Variants in ENPEP observed in about 807,000 individuals in gnomAD.
The protein encoded by ENPEP is AP-A.
A neutral mutation model predicts 114.5 loss-of-function variants in ENPEP; 103 were observed. The observed-to-expected ratio is 0.90, with a 90% CI of 0.77 to 1.06. The LOEUF (loss-of-function observed/expected upper bound fraction) is 1.06, where lower values mean the gene tolerates loss of function less well. Among genes scored for constraint, ENPEP ranks in the 50% least tolerant of loss-of-function variants. The pLI, the probability that ENPEP is intolerant of heterozygous loss-of-function variation, is 0.00. For synonymous variants in ENPEP, 420 were observed against 422.0 expected (o/e 1.00, Z 0.06); for missense variants, 1,196 against 1,161.3 (o/e 1.03, Z -0.43).
intron 11 of ENPEP, among the ~76,000 whole-genome samples, chr4:110,536,237 A>G (rs2110380243): frequency 6.6e-6 from 1 of 152,158 alleles, no homozygotes; most frequent in Middle Eastern, 3.4e-3. Flanking sequence ...ATTGCACTTT[A>G]GAAACAATCA....
Position 110,513,499 on chromosome 4 carries a change from A to G in ENPEP, c.1393A>G (p.Thr465Ala). 6.2e-7 allele frequency: 1 copy of G among 1,613,548 alleles called. No individual in the cohort carries two copies. Among genetic ancestry groups the G allele is most frequent in the South Asian group, 1.1e-5 (1 of 91,056 alleles). ...MSSHPIIVTVTTPDEITSVFD... is the reference protein window; with the variant it reads ...MSSHPIIVTVATPDEITSVFD... ...TTCGCATCCAATTATTGTGACTGTG[A>G]CAACCCCTGATGAAATAACATCTGT... The change falls in exon 7 of 20, where the codon ACA (threonine) becomes GCA (alanine). Residue 465 changes from threonine to alanine, a missense_variant. Transcript: ENST00000265162.
rs1054276239 is a variant in ENPEP at position 110,565,122 on chromosome 4, G to C, written c.*3564G>C. On this transcript the variant is annotated 3_prime_UTR_variant, in exon 20 of 20. Transcript: ENST00000265162. ...CCTCCTTCCTCTACTTCAGGGTTTA[G>C]CGACCTTTTGCCTGCCTGTTTTTGT... The C allele has an allele frequency of 6.6e-6, 1 of 152,118 alleles. No individual in the cohort carries two copies. Among genetic ancestry groups the C allele is most frequent in the African/African-American group, 2.4e-5 (1 of 41,410 alleles). 9.4% of individuals were successfully genotyped at this position (152,118 alleles called of 1,614,324 possible).
chr4:110,479,014 C>T (rs1441077398), intron 1 of ENPEP, among the ~76,000 whole-genome samples: 1 of 152,060 alleles, frequency 6.6e-6, no homozygotes, highest in Non-Finnish European at 1.5e-5. Context: ...ATAAATAATA[C>T]ACGTTTATTG....
intron 8 of ENPEP, 43 bp from the exon 9 acceptor site, chr4:110,519,965 G>A (rs763627359): frequency 1.9e-6 from 3 of 1,571,128 alleles, no homozygotes; most frequent in Admixed American, 3.4e-5. Flanking sequence ...TATGAGAAAA[G>A]CAAACATTGA....
Position 110,561,454 on chromosome 4 carries a change from C to T in ENPEP, c.2770C>T (p.Pro924Ser). The change falls in exon 20 of 20, where the codon CCT becomes TCT. Residue 924 changes from proline (P) to serine (S), a missense_variant. Pro to Ser is a moderately conservative substitution (Grantham distance 74). Transcript: ENST00000265162. ...KYPQAGAGEKPREQVLETVKN... is the reference protein window; with the variant it reads ...KYPQAGAGEKSREQVLETVKN... ...TCCACAAGCTGGAGCAGGAGAAAAA[C>T]CTAGGGAACAAGTGCTGGAAACAGT... 4 of 1,613,916 alleles carry T rather than the reference C, an allele frequency of 2.5e-6. No homozygotes were observed. The highest frequency in any genetic ancestry group is 3.4e-6 in the Non-Finnish European group (4 of 1,179,938).
At chr4:110,560,445 CTTTA>C (rs374876985) in intron 19 of ENPEP, among the ~76,000 whole-genome samples, 1 of 152,164 alleles carries the variant, frequency 6.6e-6, no homozygotes, top group African/African-American at 2.4e-5. Flanking sequence ...TAAAACATGT[CTTTA>C]TTTATCTTGA....
rs149659130 is a variant in ENPEP at position 110,553,855 on chromosome 4, A to G, written c.2642+400A>G. On this transcript the variant is annotated intron_variant, in intron 18 of 19. Coordinates refer to ENST00000265162, the MANE Select transcript of ENPEP (RefSeq NM_001977.4). ...TGGGTTCAAATTAGAGTTCTATATC[A>G]TACTGAGCTTATGTGGGTGATAACT... 9.3e-3 allele frequency among the ~76,000 whole-genome samples: 1,422 copies of G among 152,158 alleles called. 27 individuals carry two copies. Among genetic ancestry groups the G allele is most frequent in the African/African-American group, 0.032 (1,343 of 41,550 alleles).
At chr4:110,482,737 G>A (rs1407838995) in intron 1 of ENPEP, among the ~76,000 whole-genome samples, 4 of 152,198 alleles carry the variant, frequency 2.6e-5, no homozygotes, top group Admixed American at 6.5e-5. Flanking sequence ...GGTTGGGCGA[G>A]GTGGCTCATG....
chr4:110,482,324 C>T (rs763064598), intron 1 of ENPEP, among the ~76,000 whole-genome samples: 2 of 152,104 alleles, frequency 1.3e-5, no homozygotes, highest in African/African-American at 2.4e-5. Context: ...AGTTATGGGT[C>T]TAGGATACCC....
At chr4:110,479,945 T>C (rs561532572) in intron 1 of ENPEP, among the ~76,000 whole-genome samples, 6 of 152,256 alleles carry the variant, frequency 3.9e-5, no homozygotes, top group Non-Finnish European at 8.8e-5. Context: ...AAAAGCATTA[T>C]ATACACAAAT....
chr4:110,496,826 C>T (rs929458150), intron 3 of ENPEP, among the ~76,000 whole-genome samples: 1 of 152,194 alleles, frequency 6.6e-6, no homozygotes, highest in African/African-American at 2.4e-5. Flanking sequence ...ACATGACATC[C>T]TCATGACTTA....
intron 3 of ENPEP, among the ~76,000 whole-genome samples, chr4:110,496,808 CA>C (rs1235529424): frequency 1.3e-4 from 20 of 152,298 alleles, no homozygotes; most frequent in Admixed American, 3.9e-4. Context: ...CACATCCTAT[CA>C]GGGGGTACAT....
chr4:110,476,695 C>G lies in ENPEP; in HGVS notation c.281C>G (p.Pro94Arg). 1 of 1,613,814 alleles carries G rather than the reference C, an allele frequency of 6.2e-7. No homozygotes were observed. Among genetic ancestry groups the G allele is most frequent in the South Asian group, 1.1e-5 (1 of 91,060 alleles). The change falls in exon 1 of 20, where the codon CCG becomes CGG. Residue 94 changes from proline to arginine, a missense_variant. By Grantham distance (103) the Pro-to-Arg change is moderately radical (BLOSUM62 -2). Transcript: ENST00000265162. The part of the protein sequence containing the change: ...ESGQWKNFRL[P>R]DFVNPVHYDL... Reference sequence around the variant, plus strand: ...GGACAGTGGAAAAACTTTCGACTGCCGGACTTCGTCAACCCAGTCCACTAC... The same window carrying G: ...GGACAGTGGAAAAACTTTCGACTGCGGGACTTCGTCAACCCAGTCCACTAC...
intron 11 of ENPEP, among the ~76,000 whole-genome samples, chr4:110,535,024 G>A (rs1726559681): frequency 6.6e-6 from 1 of 152,172 alleles, no homozygotes; most frequent in Non-Finnish European, 1.5e-5. Context: ...AGTATCAGCT[G>A]CTATTTTGGC....
At chr4:110,527,378 A>C (rs1726237174) in intron 10 of ENPEP, among the ~76,000 whole-genome samples, 1 of 152,148 alleles carries the variant, frequency 6.6e-6, no homozygotes, top group Non-Finnish European at 1.5e-5. Context: ...GCGAGTTCTG[A>C]AAATCAATAG....
chr4:110,542,936 C>T (rs1726906339), intron 12 of ENPEP, 49 bp downstream of exon 12: 1 of 1,610,066 alleles, frequency 6.2e-7, no homozygotes, highest in Non-Finnish European at 8.5e-7. Context: ...CTAAGAACAG[C>T]ATCTTAATGA....
chr4:110,525,329 C>A (rs111486688), intron 10 of ENPEP, among the ~76,000 whole-genome samples: 5 of 152,328 alleles, frequency 3.3e-5, no homozygotes, highest in African/African-American at 1.2e-4. Flanking sequence ...CTTCCTAGCC[C>A]GGGTTACCCA....
Position 110,561,659 on chromosome 4 carries a change from A to T in ENPEP, c.*101A>T, listed in dbSNP as rs1373291751. The T allele has an allele frequency of 7.1e-6, 8 of 1,123,494 alleles. No individual in the cohort carries two copies. In the East Asian group the frequency reaches 1.2e-4, roughly 17 times the overall value. 69.6% of individuals were successfully genotyped at this position (1,123,494 alleles called of 1,614,324 possible). On this transcript the variant is annotated 3_prime_UTR_variant, in exon 20 of 20. Transcript: ENST00000265162. ...GCACGATGGAGAGAGCCTTATAAACAGATAATGCTTTTACTAAGCACTGTG... is the reference window on the plus strand; with the variant it reads ...GCACGATGGAGAGAGCCTTATAAACTGATAATGCTTTTACTAAGCACTGTG...
intron 1 of ENPEP, among the ~76,000 whole-genome samples, chr4:110,485,627 T>C (rs1429663465): frequency 6.6e-6 from 1 of 152,212 alleles, no homozygotes; most frequent in Admixed American, 6.5e-5. Flanking sequence ...CCCAGTGCAG[T>C]ACCCAGTCTG....
Sources: allele counts gnomAD v4.1 joint callset (sites outside exome capture counted in the v4.1 genomes callset), GRCh38; gene constraint gnomAD v4.1.1; transcripts MANE v1.5; gene names NCBI Gene and HGNC (gene_info 2026-07-23, HGNC 2026-07-21).